Variants in GTF2A1L observed in about 807,000 individuals in gnomAD.
The protein encoded by GTF2A1L is general transcription factor IIA subunit 1 like.
GTF2A1L carries 48 observed loss-of-function variants against 49.7 expected under a neutral mutation model. The observed-to-expected ratio is 0.97, with a 90% CI of 0.77 to 1.23. The LOEUF (loss-of-function observed/expected upper bound fraction) is 1.23, where lower values mean the gene tolerates loss of function less well. Ranked by LOEUF, GTF2A1L falls within the 50% of genes most tolerant of loss-of-function variation. GTF2A1L has a pLI of 0.00. For synonymous variants in GTF2A1L, 246 were observed against 193.5 expected (o/e 1.27, Z -2.25); for missense variants, 736 against 564.8 (o/e 1.30, Z -3.07).
intron 3 of GTF2A1L, among the ~76,000 whole-genome samples, chr2:48,627,938 C>A (rs1676377339): frequency 1.4e-5 from 2 of 143,600 alleles, no homozygotes; most frequent in Admixed American, 7.1e-5. Context: ...CATGGGTACT[C>A]AATGTTTAGC....
At chr2:48,636,169 A>G (rs1445191518) in intron 3 of GTF2A1L, among the ~76,000 whole-genome samples, 2 of 152,166 alleles carry the variant, frequency 1.3e-5, no homozygotes, top group African/African-American at 4.8e-5. Context: ...TTATTTCCAA[A>G]TGGTGGAGGC....
At chr2:48,670,814 A>C (rs1467396380) in intron 7 of GTF2A1L, among the ~76,000 whole-genome samples, 1 of 142,748 alleles carries the variant, frequency 7.0e-6, no homozygotes, top group Non-Finnish European at 1.6e-5. Flanking sequence ...TAAATGGCCA[A>C]ACGGGATTTA....
chr2:48,675,034 T>C (rs1030556175), intron 8 of GTF2A1L, among the ~76,000 whole-genome samples: 13 of 152,184 alleles, frequency 8.5e-5, no homozygotes, highest in African/African-American at 2.9e-4. Flanking sequence ...AACACTGTTA[T>C]AGTGAATCTT....
intron 6 of GTF2A1L, among the ~76,000 whole-genome samples, chr2:48,657,188 A>G (rs564552357): frequency 3.3e-5 from 5 of 152,238 alleles, no homozygotes; most frequent in African/African-American, 1.2e-4. Context: ...TTGGGGTGTG[A>G]TTGATCCTGT....
intron 6 of GTF2A1L, among the ~76,000 whole-genome samples, chr2:48,651,706 AGACATT>A (rs1162548196): frequency 1.3e-5 from 2 of 152,208 alleles, no homozygotes; most frequent in East Asian, 3.8e-4. Context: ...GTGTTTCCCA[AGACATT>A]TATCAAAAAA....
In GTF2A1L at chr2:48,620,949, G is replaced by A. The variant is rs759691220; in HGVS notation, c.120G>A (p.Lys40=). The A allele has an allele frequency of 6.3e-6, 10 of 1,596,616 alleles. No homozygotes were observed. The East Asian group carries it at 2.0e-4, about 32-fold the overall frequency. The change falls in exon 2 of 9, where the codon AAG becomes AAA. Residue 40 remains lysine, a synonymous_variant. Transcript: ENST00000403751. The part of the protein sequence containing the change: ...GIEEQVLKDL[K]QLWETKVLQS... Reference sequence around the variant, plus strand: ...AGGAACAAGTTTTAAAAGACTTGAAGCAGGTTTGTAGCCGATACAACTTTT... The same window carrying A: ...AGGAACAAGTTTTAAAAGACTTGAAACAGGTTTGTAGCCGATACAACTTTT...
chr2:48,630,309 G>C (rs1041746183), intron 3 of GTF2A1L, among the ~76,000 whole-genome samples: 1 of 143,692 alleles, frequency 7.0e-6, no homozygotes, highest in African/African-American at 2.5e-5. Flanking sequence ...GTGTTTTGTA[G>C]TTCTCCTTGT....
chr2:48,670,528 A>G (rs1679112898), intron 7 of GTF2A1L, among the ~76,000 whole-genome samples: 1 of 152,204 alleles, frequency 6.6e-6, no homozygotes, highest in South Asian at 2.1e-4. Context: ...GTGGCTGTTA[A>G]AGAAGGCAGC....
At chr2:48,671,482 G>A (rs1440531102) in intron 7 of GTF2A1L, 109 bp from the exon 8 acceptor site, 2 of 1,137,118 alleles carry the variant, frequency 1.8e-6, no homozygotes, top group East Asian at 2.5e-5. Context: ...GGGATTATAG[G>A]AATGAGCCAC....
chr2:48,634,792 A>G (rs1676792613), intron 3 of GTF2A1L, among the ~76,000 whole-genome samples: 1 of 152,164 alleles, frequency 6.6e-6, no homozygotes, highest in Non-Finnish European at 1.5e-5. Context: ...TTCCTTTTGT[A>G]CAGGATCTGA....
chr2:48,652,780 T>C (rs78856927), intron 6 of GTF2A1L, among the ~76,000 whole-genome samples: 7,129 of 147,452 alleles, frequency 0.048, 563 homozygotes, highest in African/African-American at 0.17. Flanking sequence ...CTGCAACCCT[T>C]GCCTCCCAGG....
rs950728273 is a variant in GTF2A1L at position 48,656,333 on chromosome 2, C to T, written c.978+9291C>T. On this transcript the variant is annotated intron_variant, in intron 6 of 8. Transcript: ENST00000403751. ...GCATCTGATTTCTCCATATCCCCAC[C>T]AACGCTTATTTTCTGTTTTTTTTTT... 2.0e-5 allele frequency among the ~76,000 whole-genome samples: 3 copies of T among 147,868 alleles called. No homozygotes were observed. The Admixed American group carries it at 2.0e-4, about 10-fold the overall frequency.
chr2:48,658,095 CTTTAG>C (rs1678281238), intron 6 of GTF2A1L, among the ~76,000 whole-genome samples: 1 of 152,144 alleles, frequency 6.6e-6, no homozygotes, highest in Admixed American at 6.6e-5. Context: ...TGCAGAACCT[CTTTAG>C]TTTAATTAGG....
At chr2:48,641,641 A>G (rs1275474174) in intron 3 of GTF2A1L, among the ~76,000 whole-genome samples, 1 of 152,210 alleles carries the variant, frequency 6.6e-6, no homozygotes, top group Non-Finnish European at 1.5e-5. Context: ...ACATTGATCA[A>G]CTAAGATCCT....
At chr2:48,633,818 A>G (rs935241879) in intron 3 of GTF2A1L, among the ~76,000 whole-genome samples, 2 of 152,162 alleles carry the variant, frequency 1.3e-5, no homozygotes, top group African/African-American at 4.8e-5. Context: ...GGGTGCTCCA[A>G]TTTTGGGTGA....
At position 48,637,695 on chromosome 2, in the gene GTF2A1L, T is replaced by C. The variant is rs1676979849; in HGVS notation, c.248-4707T>C. On this transcript the variant is annotated intron_variant, in intron 3 of 8. Transcript: ENST00000403751. ...ATTAATGAATCCAGGAGTTGGTTTT[T>C]GAAAAAATTAATAAGATAGATAGGC... Among the ~76,000 whole-genome samples, 2 of 152,124 alleles carry C rather than the reference T, an allele frequency of 1.3e-5. 1 individual carries two copies. Among genetic ancestry groups the C allele is most frequent in the South Asian group, 4.1e-4 (2 of 4,822 alleles).
chr2:48,672,547 G>A (rs1226846662), intron 8 of GTF2A1L, among the ~76,000 whole-genome samples: 1 of 152,192 alleles, frequency 6.6e-6, no homozygotes, highest in Non-Finnish European at 1.5e-5. Flanking sequence ...GGATGGCAGT[G>A]TAAGAACATG....
intron 3 of GTF2A1L, among the ~76,000 whole-genome samples, chr2:48,625,673 T>G (rs1442304651): frequency 7.0e-6 from 1 of 142,944 alleles, no homozygotes; most frequent in African/African-American, 2.5e-5. Flanking sequence ...GCCTTGACTT[T>G]CCAGGGTCAA....
At chr2:48,647,105 CT>C (rs775721605) in intron 6 of GTF2A1L, 63 bp downstream of exon 6, 49 of 1,313,200 alleles carry the variant, frequency 3.7e-5, no homozygotes, top group Non-Finnish European at 4.9e-5. Context: ...ACTGGATATC[CT>C]GAATATTTTC....
Sources: gnomAD v4.1 joint callset for allele counts (sites outside exome capture counted in the v4.1 genomes callset) on GRCh38, gnomAD v4.1.1 for gene constraint, MANE v1.5 for transcripts, NCBI Gene and HGNC (gene_info 2026-07-23, HGNC 2026-07-21) for gene names.